RTL4: variants seen among roughly 807,000 people sequenced by gnomAD.
The protein encoded by RTL4 is retrotransposon Gag like 4, also known as retrotransposon Gag-like protein 4.
Under a neutral mutation model 5.3 loss-of-function variants are expected in RTL4, and 4 were observed. The ratio of observed to expected loss-of-function variants is 0.75; its 90% CI spans 0.37 to 1.72. RTL4 has a LOEUF of 1.72. RTL4 is among the 40% of genes most tolerant of loss of function. RTL4 has a pLI of 0.04. For missense variants in RTL4, 260 were observed against 227.1 expected (o/e 1.14, Z -0.93); for synonymous variants, 98 against 87.3 (o/e 1.12, Z -0.68).
the RTL4 span, among the ~76,000 whole-genome samples, chrX:112,398,756 G>GAT: frequency 8.9e-6 from 1 of 111,821 alleles, no homozygotes; most frequent in Admixed American, 9.5e-5. Flanking sequence ...CTTCATGAAG[G>GAT]ATATTGAATA....
the RTL4 span, among the ~76,000 whole-genome samples, chrX:112,177,621 C>T: frequency 1.8e-5 from 2 of 109,506 alleles, no homozygotes; most frequent in Non-Finnish European, 3.8e-5. Flanking sequence ...TATTTTCTGC[C>T]GTTCTGTGGA....
the RTL4 span, among the ~76,000 whole-genome samples, chrX:112,262,022 C>T: frequency 1.8e-5 from 2 of 111,708 alleles, no homozygotes; most frequent in Non-Finnish European, 3.8e-5. Flanking sequence ...CCCTTCCTTA[C>T]ACCTTATACA....
chrX:112,416,845 G>T, the RTL4 span, among the ~76,000 whole-genome samples: 1 of 111,769 alleles, frequency 8.9e-6, no homozygotes, highest in South Asian at 3.8e-4. Context: ...ATGAGCACCT[G>T]CCAGGGGCCA....
chrX:112,411,573 C>T, the RTL4 span, among the ~76,000 whole-genome samples: 2 of 111,281 alleles, frequency 1.8e-5, no homozygotes, highest in Middle Eastern at 4.3e-3. Context: ...CAGTGTGATA[C>T]ATCATGTCAA....
chrX:112,328,912 G>A, the RTL4 span, among the ~76,000 whole-genome samples: 1 of 111,373 alleles, frequency 9.0e-6, no homozygotes, highest in African/African-American at 3.3e-5. Flanking sequence ...ATGACTACTG[G>A]GTACATAACG....
chrX:112,408,691 AAAG>A, the RTL4 span, among the ~76,000 whole-genome samples: 1 of 111,734 alleles, frequency 8.9e-6, no homozygotes, highest in East Asian at 2.8e-4. Flanking sequence ...GATTTAACCT[AAAG>A]AAGATTACCT....
chrX:112,275,208 GGTA>G, the RTL4 span, among the ~76,000 whole-genome samples: 69 of 105,596 alleles, frequency 6.5e-4, no homozygotes, highest in Admixed American at 6.8e-3. Context: ...TTTCCAGTCT[GGTA>G]GCTAGCTGAG....
the RTL4 span, among the ~76,000 whole-genome samples, chrX:112,417,028 T>G: frequency 6.3e-5 from 7 of 111,728 alleles, no homozygotes; most frequent in Non-Finnish European, 1.3e-4. Context: ...TGATGGATGC[T>G]CTGTGGCATC....
At chrX:112,261,107 T>G in the RTL4 span, among the ~76,000 whole-genome samples, 1 of 111,694 alleles carries the variant, frequency 9.0e-6, no homozygotes, top group Admixed American at 9.5e-5. Context: ...AATGAGGATA[T>G]AAGAATGAAT....
chrX:112,337,882 G>A, the RTL4 span, among the ~76,000 whole-genome samples: 1 of 110,862 alleles, frequency 9.0e-6, no homozygotes, highest in South Asian at 3.9e-4. Flanking sequence ...AAGTACGTAG[G>A]GCACTAGTCT....
At chrX:112,401,907 C>G in the RTL4 span, among the ~76,000 whole-genome samples, 1 of 112,202 alleles carries the variant, frequency 8.9e-6, no homozygotes, top group Non-Finnish European at 1.9e-5. Flanking sequence ...ACTTTTAGGA[C>G]ACTTATTCCA....
the RTL4 span, among the ~76,000 whole-genome samples, chrX:112,125,348 A>C: frequency 9.0e-6 from 1 of 111,719 alleles, no homozygotes; most frequent in Non-Finnish European, 1.9e-5. Flanking sequence ...CAGCTCACAA[A>C]GGAAAAAGAA....
the RTL4 span, among the ~76,000 whole-genome samples, chrX:112,424,888 A>G: frequency 9.0e-6 from 1 of 110,951 alleles, no homozygotes. Context: ...ATCCTGCACC[A>G]TAGTGGTACA....
the RTL4 span, among the ~76,000 whole-genome samples, chrX:112,365,273 G>T: frequency 1.8e-5 from 2 of 111,204 alleles, no homozygotes; most frequent in African/African-American, 6.5e-5. Flanking sequence ...AAAGTAGTCT[G>T]GTTAGAACAC....
At chrX:112,343,438 G>T in the RTL4 span, among the ~76,000 whole-genome samples, 19 of 111,744 alleles carry the variant, frequency 1.7e-4, 1 homozygote, top group Admixed American at 1.3e-3. Flanking sequence ...TTCTATAATG[G>T]TGTCTTCTAT....
the RTL4 span, among the ~76,000 whole-genome samples, chrX:112,391,979 GC>G: frequency 2.0e-4 from 22 of 111,579 alleles, no homozygotes; most frequent in Non-Finnish European, 3.8e-4. Flanking sequence ...TGTGTTTGGG[GC>G]TCAAGCCAGG....
the RTL4 span, among the ~76,000 whole-genome samples, chrX:112,152,541 G>A: frequency 3.6e-5 from 4 of 111,064 alleles, no homozygotes; most frequent in African/African-American, 1.3e-4. Flanking sequence ...ATGACTTACC[G>A]CCCTGATAGC....
chrX:112,442,088 T>G, the RTL4 span, among the ~76,000 whole-genome samples: 1 of 111,354 alleles, frequency 9.0e-6, no homozygotes, highest in East Asian at 2.8e-4. Context: ...GAACAAAAAG[T>G]AGATTAGTGG....
chrX:112,099,798 T>G, the RTL4 span, among the ~76,000 whole-genome samples: 1 of 111,189 alleles, frequency 9.0e-6, no homozygotes, highest in Non-Finnish European at 1.9e-5. Context: ...ACTAGAGGCA[T>G]GGAGATAAGA....
Sources: gnomAD v4.1 joint callset for allele counts (sites outside exome capture counted in the v4.1 genomes callset) on GRCh38, gnomAD v4.1.1 for gene constraint, MANE v1.5 for transcripts, NCBI Gene and HGNC (gene_info 2026-07-23, HGNC 2026-07-21) for gene names.